Variants in SGIP1 observed in about 807,000 individuals in gnomAD.
The protein encoded by SGIP1 is SH3GL interacting endocytic adaptor 1, also known as SH3-containing GRB2-like protein 3-interacting protein 1.
Under a neutral mutation model 107.5 loss-of-function variants are expected in SGIP1, and 38 were observed. The ratio of observed to expected loss-of-function variants is 0.35; its 90% CI spans 0.27 to 0.46. The LOEUF (loss-of-function observed/expected upper bound fraction) is 0.46, where lower values mean the gene tolerates loss of function less well. SGIP1 is among the 20% of genes least tolerant of loss of function. SGIP1 has a pLI of 1.00. For synonymous variants in SGIP1, 365 were observed against 366.1 expected (o/e 1.00, Z 0.03); for missense variants, 929 against 1,019.5 (o/e 0.91, Z 1.21).
At position 66,748,581 on chromosome 1, in the gene SGIP1, C is replaced by A. The variant is rs993344433; in HGVS notation, c.*5486C>A. 6.6e-6 allele frequency among the ~76,000 whole-genome samples: 1 copy of A among 151,832 alleles called. No individual in the cohort carries two copies. The highest frequency in any genetic ancestry group is 1.5e-5 in the Non-Finnish European group (1 of 67,808). ...GGTTTAACTTCTAAAATTATTTTTC[C>A]TTTGATTTCTAACTGCCTCCTTCTA... On this transcript the variant is annotated 3_prime_UTR_variant, in exon 25 of 25. Coordinates refer to ENST00000371037, the MANE Select transcript of SGIP1 (RefSeq NM_032291.4).
chr1:66,638,011 T>C (rs922765840), intron 4 of SGIP1, among the ~76,000 whole-genome samples: 3 of 151,966 alleles, frequency 2.0e-5, no homozygotes, highest in Admixed American at 2.0e-4. Context: ...TTATCTAATC[T>C]GTGGTTTTGG....
intron 10 of SGIP1, 107 bp from the exon 11 acceptor site, chr1:66,671,837 G>T: frequency 9.8e-7 from 1 of 1,024,340 alleles, no homozygotes; most frequent in Non-Finnish European, 1.5e-6. Flanking sequence ...ATACTGAGTT[G>T]CTTATTGATG....
chr1:66,544,974 T>C (rs764503496), intron 1 of SGIP1, among the ~76,000 whole-genome samples: 2 of 152,126 alleles, frequency 1.3e-5, no homozygotes, highest in Non-Finnish European at 2.9e-5. Flanking sequence ...TTGGATTAAT[T>C]CCTAATTCCT....
At chr1:66,553,343 T>C (rs1332972692) in intron 1 of SGIP1, among the ~76,000 whole-genome samples, 1 of 152,068 alleles carries the variant, frequency 6.6e-6, no homozygotes, top group Non-Finnish European at 1.5e-5. Flanking sequence ...TTGTTATAGA[T>C]GGCATTTTTT....
At chr1:66,699,305 C>A (rs551581872) in intron 18 of SGIP1, among the ~76,000 whole-genome samples, 1 of 152,220 alleles carries the variant, frequency 6.6e-6, no homozygotes, top group African/African-American at 2.4e-5. Flanking sequence ...GTGAGAGCAG[C>A]CGTCTGATAA....
At chr1:66,635,698 T>A (rs1047973488) in intron 3 of SGIP1, among the ~76,000 whole-genome samples, 2 of 152,182 alleles carry the variant, frequency 1.3e-5, no homozygotes, top group African/African-American at 4.8e-5. Context: ...CTGGGACATA[T>A]CTTCCTCCTC....
chr1:66,681,967 G>C lies in SGIP1; in HGVS notation c.913G>C (p.Ala305Pro), dbSNP rs371964061. 1 of 1,614,188 alleles carries C rather than the reference G, an allele frequency of 6.2e-7. No individual in the cohort carries two copies. The change falls in exon 15 of 25, where the codon GCT becomes CCT. Residue 305 changes from alanine to proline, a missense_variant. By Grantham distance (27) the Ala-to-Pro change is conservative. This residue lies in a region of SGIP1 where 588 missense variants were observed against 588.6 expected (regional missense o/e 1.00). Transcript: ENST00000371037. ...GCCAGTATTGTCCCCCAAGTCTGTTGCTGTTAATGCTGAAGAAAAGTGGGT... is the reference window on the plus strand; with the variant it reads ...GCCAGTATTGTCCCCCAAGTCTGTTCCTGTTAATGCTGAAGAAAAGTGGGT... ...FGPVLSPKSV[A>P]VNAEEKWVHF...
chr1:66,635,885 C>A, intron 3 of SGIP1, 59 bp from the exon 4 acceptor site: 5 of 1,548,626 alleles, frequency 3.2e-6, no homozygotes, highest in Non-Finnish European at 4.4e-6. Flanking sequence ...TTATATGTGT[C>A]TTGAAGAACA....
chr1:66,666,940 A>C (rs1178551745), intron 8 of SGIP1: 1 of 152,250 alleles, frequency 6.6e-6, no homozygotes, highest in Non-Finnish European at 1.5e-5. Context: ...CATCATTCGC[A>C]TCACATTGGT....
intron 7 of SGIP1, among the ~76,000 whole-genome samples, chr1:66,652,398 G>A (rs2078929479): frequency 6.6e-6 from 1 of 152,172 alleles, no homozygotes; most frequent in Non-Finnish European, 1.5e-5. Flanking sequence ...TGTGAGAGCA[G>A]GAGCTGACCT....
intron 1 of SGIP1, among the ~76,000 whole-genome samples, chr1:66,572,879 G>A (rs1251848365): frequency 6.6e-6 from 1 of 152,046 alleles, no homozygotes; most frequent in Admixed American, 6.6e-5. Flanking sequence ...CAATTAAAAG[G>A]AATGAAGTAC....
chr1:66,649,795 G>A (rs1266514908), intron 7 of SGIP1, among the ~76,000 whole-genome samples: 1 of 152,046 alleles, frequency 6.6e-6, no homozygotes, highest in Non-Finnish European at 1.5e-5. Flanking sequence ...GAATTGAATT[G>A]AATACAATTC....
At chr1:66,550,463 G>GC (rs1358502195) in intron 1 of SGIP1, among the ~76,000 whole-genome samples, 4 of 151,880 alleles carry the variant, frequency 2.6e-5, no homozygotes, top group African/African-American at 9.7e-5. Context: ...AACTGCCCCA[G>GC]AACAGCCCTA....
At chr1:66,719,907 C>T (rs1282942731) in intron 19 of SGIP1, among the ~76,000 whole-genome samples, 1 of 151,870 alleles carries the variant, frequency 6.6e-6, no homozygotes, top group African/African-American at 2.4e-5. Context: ...TTCTGTGACC[C>T]CTACTAAATA....
At chr1:66,710,083 G>A (rs1330474239) in intron 18 of SGIP1, among the ~76,000 whole-genome samples, 5 of 152,022 alleles carry the variant, frequency 3.3e-5, no homozygotes, top group African/African-American at 1.2e-4. Flanking sequence ...TTTATATGTA[G>A]TAACTTTATT....
At chr1:66,577,297 C>A (rs1217927348) in intron 1 of SGIP1, among the ~76,000 whole-genome samples, 1 of 152,158 alleles carries the variant, frequency 6.6e-6, no homozygotes, top group Non-Finnish European at 1.5e-5. Context: ...ATCCCTAGGT[C>A]TCCTTGATTA....
chr1:66,590,193 A>C (rs1435523919), intron 1 of SGIP1, among the ~76,000 whole-genome samples: 1 of 152,190 alleles, frequency 6.6e-6, no homozygotes, highest in Non-Finnish European at 1.5e-5. Context: ...CATTTTTAAC[A>C]TTGTTTCCCA....
At chr1:66,634,227 C>T (rs760379518) in intron 3 of SGIP1, 47 of 1,275,014 alleles carry the variant, frequency 3.7e-5, no homozygotes, top group Non-Finnish European at 5.1e-5. Flanking sequence ...GTTCTCTGGT[C>T]CCCTCTGACC....
chr1:66,572,706 C>A (rs1199457528), intron 1 of SGIP1, among the ~76,000 whole-genome samples: 1 of 151,994 alleles, frequency 6.6e-6, no homozygotes, highest in Non-Finnish European at 1.5e-5. Context: ...ATATAACCCA[C>A]AAGACTGAAT....
Sources: gnomAD v4.1 joint callset for allele counts (sites outside exome capture counted in the v4.1 genomes callset) on GRCh38, gnomAD v4.1.1 for gene constraint, gnomAD v4.1.1 regional missense constraint, MANE v1.5 for transcripts, NCBI Gene and HGNC (gene_info 2026-07-23, HGNC 2026-07-21) for gene names.